The following IQCH variants were observed in gnomAD, a reference collection of about 807,000 sequenced individuals.
IQCH encodes IQ motif containing H, also known as IQ domain-containing protein H.
A neutral mutation model predicts 117.0 loss-of-function variants in IQCH; 98 were observed. The ratio of observed to expected loss-of-function variants is 0.84; its 90% CI spans 0.71 to 0.99. The LOEUF (loss-of-function observed/expected upper bound fraction) is 0.99. IQCH is among the 50% of genes least tolerant of loss of function. The pLI, the probability that IQCH is intolerant of heterozygous loss-of-function variation, is 0.00. For missense variants in IQCH, 1,102 were observed against 1,243.8 expected (o/e 0.89, Z 1.72); for synonymous variants, 412 against 448.2 (o/e 0.92, Z 1.02).
chr15:67,357,640 A>G (rs869304), intron 7 of IQCH, among the ~76,000 whole-genome samples: 70,526 of 152,014 alleles, frequency 0.46, 16,773 homozygotes, highest in Non-Finnish European at 0.52. Flanking sequence ...ATCATGTTGC[A>G]TCATTGCAAG....
chr15:67,427,597 G>T lies in IQCH; in HGVS notation c.2505+6020G>T, dbSNP rs2081922904. Among the ~76,000 whole-genome samples, 1 of 152,014 alleles carries T rather than the reference G, an allele frequency of 6.6e-6. No homozygotes were observed. The highest frequency in any genetic ancestry group is 6.6e-5 in the Admixed American group (1 of 15,246). The stretch of plus-strand genomic sequence containing the variant: ...TCAGTTTTCTCAGCTATAAAATGAG[G>T]AGGTTAGCTTATTTTGCATCTGAGG... On this transcript the variant is annotated intron_variant, in intron 16 of 20. Transcript: ENST00000335894. This position sits in a 1 kb window ranked among gnomAD's most constrained non-coding sequence, Gnocchi z 4.7.
chr15:67,306,791 A>G lies in IQCH; in HGVS notation c.387+27279A>G, dbSNP rs1567082971. The G allele has an allele frequency of 4.1e-6, 6 of 1,461,554 alleles. No homozygotes were observed. In the South Asian group the frequency reaches 6.1e-5, roughly 15 times the overall value. The allele number at this position is 1,461,554 out of a possible 1,614,324, so 90.5% of individuals were successfully genotyped here. A position where few individuals can be genotyped will look rare whatever the true frequency, so the allele number is the denominator to read the frequency against. On this transcript the variant is annotated intron_variant, in intron 4 of 20. Transcript: ENST00000335894. ...TTTTTTCAATATCTTCAATCTGCCA[A>G]ATAGTAACAAACAACCTTCTAACAT...
chr15:67,325,140 T>C (rs1196693738), intron 4 of IQCH, among the ~76,000 whole-genome samples: 1 of 152,140 alleles, frequency 6.6e-6, no homozygotes, highest in East Asian at 1.9e-4. Context: ...GTAATAGCTA[T>C]TGATTGCTCT....
At position 67,353,222 on chromosome 15, in the gene IQCH, C is replaced by A. The variant is rs575441966; in HGVS notation, c.638-4123C>A. ...GTAAGCCTAATTAAACACAAGAAGACAGAAAAAGAAAAGCAGTAAACTGGG... is the reference window on the plus strand; with the variant it reads ...GTAAGCCTAATTAAACACAAGAAGAAAGAAAAAGAAAAGCAGTAAACTGGG... On this transcript the variant is annotated intron_variant, in intron 6 of 20. Transcript: ENST00000335894. 5.0e-3 allele frequency among the ~76,000 whole-genome samples: 735 copies of A among 147,388 alleles called. 7 individuals carry two copies. The highest frequency in any genetic ancestry group is 0.018 in the African/African-American group (703 of 40,042).
At chr15:67,349,392 G>C (rs1467437256) in intron 6 of IQCH, among the ~76,000 whole-genome samples, 1 of 152,170 alleles carries the variant, frequency 6.6e-6, no homozygotes, top group Admixed American at 6.5e-5. Flanking sequence ...GCCAAGTTGG[G>C]TGGATCACTT....
chr15:67,353,386 G>A (rs1969753506), intron 6 of IQCH, among the ~76,000 whole-genome samples: 3 of 148,122 alleles, frequency 2.0e-5, no homozygotes, highest in Admixed American at 1.4e-4. Flanking sequence ...TTGAGACAGA[G>A]TCTCACTCTG....
rs959276818 is a variant in IQCH at position 67,402,969 on chromosome 15, C to T, written c.2097+2664C>T. 3.9e-5 allele frequency among the ~76,000 whole-genome samples: 6 copies of T among 152,104 alleles called. No homozygotes were observed. In the East Asian group the frequency reaches 5.8e-4, roughly 15 times the overall value. Reference sequence around the variant, plus strand: ...TATCTAATATAAAGATCATCTGGGCCGGGCATGGTGGCTCATGCCTGTAAT... The same window carrying T: ...TATCTAATATAAAGATCATCTGGGCTGGGCATGGTGGCTCATGCCTGTAAT... On this transcript the variant is annotated intron_variant, in intron 14 of 20. Transcript: ENST00000335894.
chr15:67,263,445 A>C (rs1007505225), intron 3 of IQCH, among the ~76,000 whole-genome samples: 59 of 152,216 alleles, frequency 3.9e-4, no homozygotes, highest in African/African-American at 1.4e-3. Context: ...TCAACAGTAG[A>C]TACATGGAAC....
chr15:67,286,431 C>T (rs887511394), intron 4 of IQCH, among the ~76,000 whole-genome samples: 1 of 151,978 alleles, frequency 6.6e-6, no homozygotes, highest in Non-Finnish European at 1.5e-5. Flanking sequence ...ATTTCTTTCT[C>T]TTTTCTGATT....
intron 4 of IQCH, among the ~76,000 whole-genome samples, chr15:67,313,481 A>G (rs1356351612): frequency 6.6e-6 from 1 of 152,166 alleles, no homozygotes; most frequent in Non-Finnish European, 1.5e-5. Flanking sequence ...CTCAAGGATC[A>G]ATGTAATTGA....
chr15:67,469,041 C>A (rs1306520048), intron 17 of IQCH, among the ~76,000 whole-genome samples: 1 of 152,110 alleles, frequency 6.6e-6, no homozygotes, highest in Non-Finnish European at 1.5e-5. Flanking sequence ...TTTTGAGCTT[C>A]CTTTATTTAG....
At chr15:67,319,494 G>C (rs1180363033) in intron 4 of IQCH, among the ~76,000 whole-genome samples, 3 of 152,072 alleles carry the variant, frequency 2.0e-5, no homozygotes, top group Non-Finnish European at 4.4e-5. Flanking sequence ...TGTTTCCTTT[G>C]GTTTCCTTCC....
At chr15:67,471,645 T>C (rs537953190) in intron 17 of IQCH, among the ~76,000 whole-genome samples, 4 of 152,348 alleles carry the variant, frequency 2.6e-5, no homozygotes, top group Admixed American at 6.5e-5. Flanking sequence ...TAATTGACCT[T>C]ATCTTTGAAA....
intron 15 of IQCH, among the ~76,000 whole-genome samples, chr15:67,418,513 CCACACACACACACACACA>C (rs368875296): frequency 2.6e-5 from 3 of 114,106 alleles, no homozygotes; most frequent in Admixed American, 1.0e-4. Flanking sequence ...CAAGTGGCTA[CCACACACACACACACACA>C]CACACACACA....
chr15:67,497,366 C>T (rs1158194031), intron 20 of IQCH, among the ~76,000 whole-genome samples: 1 of 151,950 alleles, frequency 6.6e-6, no homozygotes, highest in Non-Finnish European at 1.5e-5. Flanking sequence ...AAGAACCCAT[C>T]AACAAGTTTA....
At chr15:67,484,293 C>G (rs182104111) in intron 18 of IQCH, among the ~76,000 whole-genome samples, 29 of 152,036 alleles carry the variant, frequency 1.9e-4, no homozygotes, top group African/African-American at 7.0e-4. Flanking sequence ...GTAGTCTTGA[C>G]TACTTGGAAG....
In IQCH at chr15:67,388,698, C is replaced by T; in HGVS notation, c.1457-133C>T. ...TTAGATTGCTCAGATAGTACAAAAC[C>T]AAACTAAATTAACCTTAACCTGGGT... is the stretch of plus-strand genomic sequence containing the variant. On this transcript the variant is annotated intron_variant, in intron 11 of 20. Coordinates refer to ENST00000335894, the MANE Select transcript of IQCH (RefSeq NM_001031715.3). The surrounding 1 kb of genome is among the most constrained non-coding windows in gnomAD (Gnocchi z 5.5). 1 of 722,330 alleles carries T rather than the reference C, an allele frequency of 1.4e-6. No homozygotes were observed. The highest frequency in any genetic ancestry group is 2.2e-6 in the Non-Finnish European group (1 of 449,304). The allele number at this position is 722,330 out of a possible 1,614,324, so 44.7% of individuals were successfully genotyped here.
chr15:67,469,859 A>C (rs2083025161), intron 17 of IQCH, among the ~76,000 whole-genome samples: 1 of 152,222 alleles, frequency 6.6e-6, no homozygotes, highest in African/African-American at 2.4e-5. Flanking sequence ...GCAAGCAAGT[A>C]GGGAAGCCAA....
intron 4 of IQCH, among the ~76,000 whole-genome samples, chr15:67,300,765 A>G (rs8030290): frequency 1 from 152,025 of 152,294 alleles, 75,878 homozygotes; most frequent in Non-Finnish European, 1. Context: ...GGCATTACAC[A>G]CTGCCTAGTG....
Sources: allele counts gnomAD v4.1 joint callset (sites outside exome capture counted in the v4.1 genomes callset), GRCh38; gene constraint gnomAD v4.1.1; non-coding constraint Gnocchi (gnomAD v3.1); transcripts MANE v1.5; gene names NCBI Gene and HGNC (gene_info 2026-07-23, HGNC 2026-07-21).